Variants in PM20D2 observed in about 807,000 individuals in gnomAD.
The protein encoded by PM20D2 is peptidase M20 domain containing 2.
Under a neutral mutation model 42.9 loss-of-function variants are expected in PM20D2, and 33 were observed. The ratio of observed to expected loss-of-function variants is 0.77; its 90% confidence interval spans 0.58 to 1.03. The LOEUF is 1.03. PM20D2 is among the 50% of genes least tolerant of loss of function. The pLI is 0.00. For synonymous variants in PM20D2, 250 were observed against 228.2 expected, an observed-to-expected ratio of 1.10 and a Z score of -0.86; for missense variants, 548 against 557.0, an observed-to-expected ratio of 0.98 and a Z score of 0.16.
chr6:89,142,467 G>T (rs571082854), upstream of PM20D2, among the ~76,000 whole-genome samples: 27 of 152,268 alleles, frequency 1.8e-4, no homozygotes, highest in Admixed American at 1.6e-3. Flanking sequence ...CCAGCATTTT[G>T]TTCAGGAGAA....
intron 2 of PM20D2, among the ~76,000 whole-genome samples, chr6:89,151,100 A>G (rs1326088362): frequency 6.6e-6 from 1 of 150,868 alleles, no homozygotes; most frequent in Non-Finnish European, 1.5e-5. Flanking sequence ...GCAGTGAGCC[A>G]AGATCGTGCC....
chr6:89,154,015 T>C (rs1770948138), intron 3 of PM20D2, among the ~76,000 whole-genome samples: 1 of 152,202 alleles, frequency 6.6e-6, no homozygotes, highest in Non-Finnish European at 1.5e-5. Flanking sequence ...TTTAGGAAAT[T>C]GTTATATTTT....
At chr6:89,157,673 G>C (rs1395188911) in intron 4 of PM20D2, among the ~76,000 whole-genome samples, 1 of 152,086 alleles carries the variant, frequency 6.6e-6, no homozygotes, top group Non-Finnish European at 1.5e-5. Context: ...TGTGGTTTTT[G>C]GGTCACCTAT....
chr6:89,102,533 T>C, the PM20D2 span, among the ~76,000 whole-genome samples: 1 of 152,138 alleles, frequency 6.6e-6, no homozygotes, highest in Non-Finnish European at 1.5e-5. Context: ...ATTTCATTCA[T>C]TTTGTAGACA....
the PM20D2 span, among the ~76,000 whole-genome samples, chr6:89,138,749 C>G: frequency 6.6e-6 from 1 of 152,086 alleles, no homozygotes; most frequent in Admixed American, 6.6e-5. Flanking sequence ...CCTGTAGTCC[C>G]AACTACTTGG....
the PM20D2 span, among the ~76,000 whole-genome samples, chr6:89,103,779 G>T: frequency 6.6e-6 from 1 of 152,036 alleles, no homozygotes; most frequent in South Asian, 2.1e-4. Context: ...AATTTCTGTT[G>T]TGATTCACTA....
chr6:89,097,814 T>G, the PM20D2 span: 2 of 152,240 alleles, frequency 1.3e-5, no homozygotes, highest in African/African-American at 4.8e-5. Context: ...AAATGTACCA[T>G]TCTTCAAATG....
chr6:89,146,002 C>T, upstream of PM20D2: 1 of 655,648 alleles, frequency 1.5e-6, no homozygotes, highest in Non-Finnish European at 2.2e-6. Flanking sequence ...GGCCCCGGGA[C>T]TGGGGGTGGT....
At chr6:89,157,314 A>G (rs908905353) in intron 4 of PM20D2, among the ~76,000 whole-genome samples, 1 of 152,142 alleles carries the variant, frequency 6.6e-6, no homozygotes, top group Non-Finnish European at 1.5e-5. Context: ...CATAATTTCT[A>G]CCGTAGATGT....
the PM20D2 span, among the ~76,000 whole-genome samples, chr6:89,101,499 A>G: frequency 1.4e-4 from 22 of 152,280 alleles, no homozygotes; most frequent in African/African-American, 5.1e-4. Context: ...AGGCAGGTGG[A>G]TCACCTGAGG....
chr6:89,161,898 T>G lies in PM20D2; in HGVS notation c.1156+8T>G, dbSNP rs1771251885. ...AGTACACTGAAGCTGCTGGTAAGTG[T>G]TGTTGGATGTGACTGTTTTGGCACA... On this transcript the variant is annotated splice_region_variant and intron_variant, in intron 6 of 6. Coordinates refer to ENST00000275072, the MANE Select transcript of PM20D2 (RefSeq NM_001010853.3). The G allele has an allele frequency of 6.3e-7, 1 of 1,594,826 alleles. No individual in the cohort carries two copies. The highest frequency in any genetic ancestry group is 1.1e-5 in the South Asian group (1 of 90,490).
the PM20D2 span, among the ~76,000 whole-genome samples, chr6:89,102,446 A>G: frequency 1.3e-5 from 2 of 152,110 alleles, no homozygotes; most frequent in African/African-American, 4.8e-5. Context: ...TGAATTTTTT[A>G]TTATATATTT....
chr6:89,136,244 C>A, the PM20D2 span, among the ~76,000 whole-genome samples: 3 of 150,750 alleles, frequency 2.0e-5, no homozygotes, highest in Non-Finnish European at 4.4e-5. Flanking sequence ...ATCTTACTGA[C>A]CAAGAGACGT....
chr6:89,114,854 T>A, the PM20D2 span, among the ~76,000 whole-genome samples: 1 of 152,152 alleles, frequency 6.6e-6, no homozygotes, highest in Non-Finnish European at 1.5e-5. Context: ...TGGAGTGCAA[T>A]GGTACTATCT....
the PM20D2 span, among the ~76,000 whole-genome samples, chr6:89,126,557 G>A: frequency 7.3e-5 from 11 of 150,780 alleles, no homozygotes; most frequent in Admixed American, 2.0e-4. Context: ...GGTGGCAGGC[G>A]CCTATAATCC....
intron 2 of PM20D2, among the ~76,000 whole-genome samples, chr6:89,151,082 C>T (rs1297836471): frequency 4.8e-5 from 7 of 144,540 alleles, no homozygotes; most frequent in African/African-American, 1.3e-4. Flanking sequence ...ACCTGGGAGG[C>T]GGAGGTTGCA....
the PM20D2 span, chr6:89,117,730 C>T: frequency 7.7e-7 from 1 of 1,297,300 alleles, no homozygotes; most frequent in Non-Finnish European, 1.0e-6. Context: ...GCGCAGCTCC[C>T]CCGAGCCTCC....
chr6:89,150,471 C>T (rs1294374637), intron 2 of PM20D2, among the ~76,000 whole-genome samples: 13 of 150,808 alleles, frequency 8.6e-5, no homozygotes, highest in African/African-American at 2.4e-4. Context: ...CTGAAGTCAG[C>T]GCACTTGACC....
chr6:89,122,926 G>A, the PM20D2 span, among the ~76,000 whole-genome samples: 1 of 152,134 alleles, frequency 6.6e-6, no homozygotes. Flanking sequence ...TGGTTTATAA[G>A]ACATCATCAT....
Sources: allele counts gnomAD v4.1 joint callset (sites outside exome capture counted in the v4.1 genomes callset), GRCh38; gene constraint gnomAD v4.1.1; transcripts MANE v1.5; gene names NCBI Gene and HGNC (gene_info 2026-07-23, HGNC 2026-07-21).